ANK2: variants seen among roughly 807,000 people sequenced by gnomAD.
The protein encoded by ANK2 is ankyrin-2.
ANK2 carries 83 observed loss-of-function variants against 360.5 expected under a neutral mutation model. The observed-to-expected ratio is 0.23, with a 90% CI of 0.19 to 0.28. The LOEUF is 0.28. Among genes scored for constraint, ANK2 ranks in the 10% least tolerant of loss-of-function variants. The pLI is 1.00. For synonymous variants in ANK2, 1,740 were observed against 1,759.5 expected, an observed-to-expected ratio of 0.99 and a Z score of 0.28; for missense variants, 4,201 against 4,795.7, an observed-to-expected ratio of 0.88 and a Z score of 3.66.
the ANK2 span, among the ~76,000 whole-genome samples, chr4:112,770,713 A>C: frequency 9.9e-3 from 592 of 59,700 alleles, 2 homozygotes; most frequent in Middle Eastern, 0.063. Context: ...CTCTCTCTCA[A>C]AAAAAAAAAA....
intron 26 of ANK2, chr4:113,323,851 G>A (rs548844067): frequency 1.2e-5 from 19 of 1,523,478 alleles, no homozygotes; most frequent in Admixed American, 7.0e-5. Flanking sequence ...TCCCCCTTTC[G>A]CCATCTCCTT....
intron 4 of ANK2, among the ~76,000 whole-genome samples, chr4:113,231,653 G>C (rs1265967174): frequency 2.0e-5 from 3 of 151,416 alleles, no homozygotes; most frequent in Non-Finnish European, 4.4e-5. Flanking sequence ...ACCCAGGCTG[G>C]AGTGCAATGA....
At chr4:113,123,367 T>C (rs1025972529) in intron 1 of ANK2, among the ~76,000 whole-genome samples, 1 of 152,146 alleles carries the variant, frequency 6.6e-6, no homozygotes, top group African/African-American at 2.4e-5. Context: ...TCAGTGAAAG[T>C]ACAAGCAAGT....
In ANK2 at chr4:113,356,366, C is replaced by T. The variant is rs769732470; in HGVS notation, c.7748C>T (p.Thr2583Ile). 6.2e-7 allele frequency: 1 copy of T among 1,614,136 alleles called. No individual in the cohort carries two copies. Among genetic ancestry groups the T allele is most frequent in the Non-Finnish European group, 8.5e-7 (1 of 1,179,988 alleles). ...DSENGEKKRF[T>I]PEEEMFKMVT... ...GAAAACGGGGAGAAAAAGAGGTTCACACCTGAAGAGGAGATGTTTAAAATG... is the reference window on the plus strand; with the variant it reads ...GAAAACGGGGAGAAAAAGAGGTTCATACCTGAAGAGGAGATGTTTAAAATG... Residue 2583 changes from threonine to isoleucine, a missense_variant, in exon 38 of 46, where the codon ACA becomes ATA. Thr to Ile is a moderately conservative substitution (Grantham distance 89). This residue lies in a region of ANK2 where 2,642 missense variants were observed against 2,714.5 expected (regional missense o/e 0.97). Transcript: ENST00000357077.
At chr4:113,185,315 T>C in intron 2 of ANK2, among the ~76,000 whole-genome samples, 1 of 152,244 alleles carries the variant, frequency 6.6e-6, no homozygotes, top group East Asian at 1.9e-4. Flanking sequence ...GTTGAGCTAA[T>C]TTACACTCCC....
chr4:113,281,572 C>T (rs1413885965), intron 17 of ANK2, among the ~76,000 whole-genome samples: 1 of 152,072 alleles, frequency 6.6e-6, no homozygotes. Flanking sequence ...TCATGGTAAT[C>T]TCACAAGAAG....
chr4:112,990,360 CT>C (rs1306438166), intron 2 of ANK2, among the ~76,000 whole-genome samples: 6 of 152,152 alleles, frequency 3.9e-5, no homozygotes. Flanking sequence ...GAGTCTCTCA[CT>C]AATAGTCAAG....
At chr4:112,850,547 C>T (rs2064699822) in intron 1 of ANK2, among the ~76,000 whole-genome samples, 1 of 53,468 alleles carries the variant, frequency 1.9e-5, no homozygotes, top group African/African-American at 6.6e-5. Flanking sequence ...GACAGAGTCT[C>T]TCTCTGTCTC....
chr4:112,975,041 A>G (rs1412940249), intron 2 of ANK2, among the ~76,000 whole-genome samples: 1 of 152,214 alleles, frequency 6.6e-6, no homozygotes, highest in East Asian at 1.9e-4. Context: ...AATCTGTATT[A>G]GAACTGTTAC....
intron 2 of ANK2, among the ~76,000 whole-genome samples, chr4:112,950,938 C>T (rs1009165596): frequency 6.6e-6 from 1 of 150,842 alleles, no homozygotes; most frequent in Non-Finnish European, 1.5e-5. Flanking sequence ...AAAAATTAGC[C>T]GGGCGTAGTG....
At chr4:113,074,851 A>T (rs942781402) in intron 1 of ANK2, among the ~76,000 whole-genome samples, 3 of 152,396 alleles carry the variant, frequency 2.0e-5, no homozygotes. Flanking sequence ...AAATACGTTT[A>T]TGAAGTAATG....
At chr4:112,777,464 A>G in the ANK2 span, among the ~76,000 whole-genome samples, 1 of 151,924 alleles carries the variant, frequency 6.6e-6, no homozygotes, top group Admixed American at 6.6e-5. Flanking sequence ...GATCGTCTTG[A>G]TCTCCTGACC....
intron 2 of ANK2, among the ~76,000 whole-genome samples, chr4:112,958,508 C>A (rs1238948151): frequency 6.6e-6 from 1 of 152,054 alleles, no homozygotes; most frequent in African/African-American, 2.4e-5. Flanking sequence ...GCAGGAGAAT[C>A]AGGCAGGGAG....
Position 113,358,144 on chromosome 4 carries a change from G to T in ANK2, c.9526G>T (p.Asp3176Tyr), listed in dbSNP as rs138928206. 2.4e-4 allele frequency: 383 copies of T among 1,613,962 alleles called. No homozygotes were observed. The highest frequency in any genetic ancestry group is 3.1e-4 in the Non-Finnish European group (365 of 1,179,974). Residue 3176 changes from aspartate (D) to tyrosine (Y), a missense_variant, in exon 38 of 46, where the codon GAT becomes TAT. By Grantham distance (160) the Asp-to-Tyr change is radical. Around this residue, in one of 4 missense-constraint regions of ANK2, gnomAD observed 2,642 missense variants for 2,714.5 expected, o/e 0.97. Transcript: ENST00000357077. ...LALSESKETVDDEADLLPDDV... is the reference protein window; with the variant it reads ...LALSESKETVYDEADLLPDDV... Reference sequence around the variant, plus strand: ...ACTTTCAGAATCAAAAGAAACAGTGGATGATGAGGCAGACTTACTTCCAGA... The same window carrying T: ...ACTTTCAGAATCAAAAGAAACAGTGTATGATGAGGCAGACTTACTTCCAGA...
chr4:113,178,641 A>G (rs562704038), intron 2 of ANK2, among the ~76,000 whole-genome samples: 1 of 152,134 alleles, frequency 6.6e-6, no homozygotes, highest in African/African-American at 2.4e-5. Context: ...TATTAATACT[A>G]TTCAAGACAG....
At chr4:112,774,254 C>T in the ANK2 span, among the ~76,000 whole-genome samples, 3,213 of 151,310 alleles carry the variant, frequency 0.021, 115 homozygotes, top group African/African-American at 0.074. Context: ...CCGCTGGGCA[C>T]GGTGGCTCAC....
chr4:112,843,388 T>A (rs1442538841), intron 1 of ANK2, among the ~76,000 whole-genome samples: 1 of 152,218 alleles, frequency 6.6e-6, no homozygotes, highest in Non-Finnish European at 1.5e-5. Context: ...ATCTGAGAAC[T>A]CTCAACAGTG....
At chr4:112,899,446 T>A (rs1401760354) in intron 1 of ANK2, among the ~76,000 whole-genome samples, 1 of 152,184 alleles carries the variant, frequency 6.6e-6, no homozygotes, top group East Asian at 1.9e-4. Flanking sequence ...TTCTTTTTTC[T>A]CCCTCTGGCC....
At chr4:113,221,595 G>A (rs543357677) in intron 4 of ANK2, among the ~76,000 whole-genome samples, 2 of 151,628 alleles carry the variant, frequency 1.3e-5, no homozygotes, top group East Asian at 3.9e-4. Context: ...GGAGGCGGAG[G>A]TTCCAGTGAG....
Sources: gnomAD v4.1 joint callset for allele counts (sites outside exome capture counted in the v4.1 genomes callset) on GRCh38, gnomAD v4.1.1 for gene constraint, gnomAD v4.1.1 regional missense constraint, MANE v1.5 for transcripts, NCBI Gene and HGNC (gene_info 2026-07-23, HGNC 2026-07-21) for gene names.